Variants in PCK2 observed in about 807,000 individuals in gnomAD.
The protein encoded by PCK2 is phosphoenolpyruvate carboxykinase 2, mitochondrial.
A neutral mutation model predicts 65.9 loss-of-function variants in PCK2; 56 were observed. The ratio of observed to expected loss-of-function variants is 0.85; its 90% CI spans 0.69 to 1.06. The LOEUF (loss-of-function observed/expected upper bound fraction) is 1.06. Among genes scored for constraint, PCK2 ranks in the 50% least tolerant of loss-of-function variants. The probability of loss-of-function intolerance (pLI) is 0.00; values close to 1 mark genes in which losing one functional copy is unlikely to be tolerated. For missense variants in PCK2, 843 were observed against 863.1 expected (o/e 0.98, Z 0.29); for synonymous variants, 305 against 319.6 (o/e 0.95, Z 0.49).
chr14:24,094,651 T>C lies in PCK2; in HGVS notation c.29+217T>C. On this transcript the variant is annotated intron_variant, in intron 1 of 9. Coordinates refer to ENST00000216780, the MANE Select transcript of PCK2 (RefSeq NM_004563.4). The surrounding 1 kb of genome is among the most constrained non-coding windows in gnomAD (Gnocchi z 4.1). ...TCGTTTCCGCCTGCACCTCCCCTTC[T>C]CTGCCTCGCTCGCCTCTGACCGCGC... is the stretch of plus-strand genomic sequence containing the variant. The C allele has an allele frequency of 6.7e-7, 1 of 1,498,874 alleles. No homozygotes were observed. The highest frequency in any genetic ancestry group is 8.9e-7 in the Non-Finnish European group (1 of 1,125,870). The allele number at this position is 1,498,874 out of a possible 1,614,324, so 92.8% of individuals were successfully genotyped here.
chr14:24,102,654 A>C, intron 7 of PCK2, 99 bp from the exon 8 acceptor site: 1 of 951,334 alleles, frequency 1.1e-6, no homozygotes, highest in Non-Finnish European at 1.5e-6. Context: ...GATGAGGCAA[A>C]AAAAAAAAAA....
In PCK2 at chr14:24,094,810, G is replaced by A. The variant is rs762090156; in HGVS notation, c.29+376G>A. On this transcript the variant is annotated intron_variant, in intron 1 of 9. Coordinates refer to ENST00000216780, the MANE Select transcript of PCK2 (RefSeq NM_004563.4). The surrounding 1 kb of genome is among the most constrained non-coding windows in gnomAD (Gnocchi z 4.1). ...AACGGGCTCTCAGCCAGCGCCCCAG[G>A]GTACTTCGAGAGGCAGCAGGGCCCT... 14 of 1,345,216 alleles carry A rather than the reference G, an allele frequency of 1.0e-5. No homozygotes were observed. The Admixed American group carries it at 1.1e-4, about 11-fold the overall frequency. The allele number at this position is 1,345,216 out of a possible 1,614,324, so 83.3% of individuals were successfully genotyped here. A position where few individuals can be genotyped will look rare whatever the true frequency, so the allele number is the denominator to read the frequency against.
Position 24,100,444 on chromosome 14 carries a change from C to T in PCK2, c.1234+231C>T, listed in dbSNP as rs559270954. 18 of 984,752 alleles carry T rather than the reference C, an allele frequency of 1.8e-5. No homozygotes were observed. The East Asian group carries it at 4.1e-4, about 22-fold the overall frequency. The allele number at this position is 984,752 out of a possible 1,614,324, so 61.0% of individuals were successfully genotyped here. On this transcript the variant is annotated intron_variant, in intron 7 of 9. Coordinates refer to ENST00000216780, the MANE Select transcript of PCK2 (RefSeq NM_004563.4). ...CAACTTCCCTAAGCTTTAGTTTCCA[C>T]ATCAGTTGAATGAGGGTAGTTGTGA...
rs769896049 is a variant in PCK2, at chr14:24,098,386, G to A, written c.459G>A (p.Gln153=). Residue 153 remains glutamine (Q), a splice_region_variant and synonymous_variant, in exon 3 of 10, where the codon CAG becomes CAA. Transcript: ENST00000216780. ...ATGAGAGGTTTCCAGGCTGCATGCA[G>A]GGTAACCAGGGCAGGGGCACAGTGG... ...AVDERFPGCM[Q]GRTMYVLPFS... 1.9e-6 allele frequency: 3 copies of A among 1,611,966 alleles called. No homozygotes were observed. The highest frequency in any genetic ancestry group is 2.7e-5 in the African/African-American group (2 of 74,904).
Position 24,099,052 on chromosome 14 carries a change from A to G in PCK2, c.668A>G (p.Glu223Gly). 6.3e-7 allele frequency: 1 copy of G among 1,598,680 alleles called. No individual in the cohort carries two copies. Among genetic ancestry groups the G allele is most frequent in the Non-Finnish European group, 8.6e-7 (1 of 1,168,528 alleles). Reference protein sequence around the residue: ...SVGQPLTGQGEPVSQWPCNPE... With the variant: ...SVGQPLTGQGGPVSQWPCNPE... ...CCCATGACCCCATTGTCCCCAGGGG[A>G]GCCAGTGAGCCAGTGGCCGTGCAAC... is the stretch of plus-strand genomic sequence containing the variant. The change falls in exon 5 of 10, where the codon GAG becomes GGG. Residue 223 changes from glutamate (E) to glycine (G), a missense_variant. Glu to Gly is a moderately conservative substitution (Grantham distance 98). Coordinates refer to ENST00000216780, the MANE Select transcript of PCK2 (RefSeq NM_004563.4).
Position 24,102,742 on chromosome 14 carries a change from T to G in PCK2, c.1235-11T>G. The G allele has an allele frequency of 6.2e-7, 1 of 1,611,434 alleles. No homozygotes were observed. The highest frequency in any genetic ancestry group is 8.5e-7 in the Non-Finnish European group (1 of 1,178,348). On this transcript the variant is annotated splice_polypyrimidine_tract_variant and intron_variant, in intron 7 of 9. Coordinates refer to ENST00000216780, the MANE Select transcript of PCK2 (RefSeq NM_004563.4). ...CCTTGGAAATAATAGTGTTTGTATTTCCTCTGCCAGGTGACAAGGAGCCCT... is the reference window on the plus strand; with the variant it reads ...CCTTGGAAATAATAGTGTTTGTATTGCCTCTGCCAGGTGACAAGGAGCCCT...
chr14:24,099,048 G>C lies in PCK2; in HGVS notation c.665-1G>C. ...CAGCCCCATGACCCCATTGTCCCCAGGGGAGCCAGTGAGCCAGTGGCCGTG... is the reference window on the plus strand; with the variant it reads ...CAGCCCCATGACCCCATTGTCCCCACGGGAGCCAGTGAGCCAGTGGCCGTG... On this transcript the variant is annotated splice_acceptor_variant, in intron 4 of 9. Coordinates refer to ENST00000216780, the MANE Select transcript of PCK2 (RefSeq NM_004563.4). LOFTEE classifies it high-confidence loss of function. 1 of 1,598,606 alleles carries C rather than the reference G, an allele frequency of 6.3e-7. No homozygotes were observed. The highest frequency in any genetic ancestry group is 8.6e-7 in the Non-Finnish European group (1 of 1,168,632).
At chr14:24,097,567 A>G (rs1443944494) in intron 2 of PCK2, among the ~76,000 whole-genome samples, 2 of 138,304 alleles carry the variant, frequency 1.4e-5, no homozygotes, top group African/African-American at 5.2e-5. Flanking sequence ...TCTGTCTCAA[A>G]AAAAAAAAAG....
chr14:24,103,059 C>T (rs1433334856), intron 8 of PCK2, 101 bp from the exon 9 acceptor site: 24 of 1,206,060 alleles, frequency 2.0e-5, no homozygotes, highest in Middle Eastern at 3.8e-4. Flanking sequence ...ATGGGATAGC[C>T]GAGGTCTTAG....
Position 24,098,553 on chromosome 14 carries a change from A to C in PCK2, c.539A>C (p.Asp180Ala), listed in dbSNP as rs758530066. Residue 180 changes from aspartate to alanine, a missense_variant, in exon 4 of 10, where the codon GAC becomes GCC. Asp to Ala is a moderately radical substitution (Grantham distance 126, BLOSUM62 -2). Coordinates refer to ENST00000216780, the MANE Select transcript of PCK2 (RefSeq NM_004563.4). ...PLSRIGVQLT[D>A]SAYVVASMRI... is the part of the protein sequence containing the mutation. ...TCCCGCATCGGGGTGCAGCTCACTG[A>C]CTCAGCCTATGTGGTGGCAAGCATG... 2.5e-6 allele frequency: 4 copies of C among 1,613,972 alleles called. No individual in the cohort carries two copies. Among genetic ancestry groups the C allele is most frequent in the Admixed American group, 3.3e-5 (2 of 60,006 alleles).
Position 24,094,801 on chromosome 14 carries a change from G to A in PCK2, c.29+367G>A. 1 of 1,358,818 alleles carries A rather than the reference G, an allele frequency of 7.4e-7. No individual in the cohort carries two copies. The highest frequency in any genetic ancestry group is 2.2e-5 in the Admixed American group (1 of 45,406). 84.2% of individuals were successfully genotyped at this position (1,358,818 alleles called of 1,614,324 possible). ...CGGACCTCTAACGGGCTCTCAGCCA[G>A]CGCCCCAGGGTACTTCGAGAGGCAG... On this transcript the variant is annotated intron_variant, in intron 1 of 9. Coordinates refer to ENST00000216780, the MANE Select transcript of PCK2 (RefSeq NM_004563.4). The surrounding 1 kb of genome is among the most constrained non-coding windows in gnomAD (Gnocchi z 4.1).
In PCK2 at chr14:24,103,229, AG is replaced by A. The variant is rs763517556; in HGVS notation, c.1443del (p.Glu481AspfsTer36). On this transcript the variant is annotated frameshift_variant, in exon 9 of 10. Transcript: ENST00000216780. LOFTEE classifies it high-confidence loss of function. ...GVFVGSAMRS[E>X]STAAAEHKGK... ...TTTGTGGGCAGCGCCATGCGCTCTG[AG>A]TCCACTGCTGCAGCAGAACACAAAG... 1.9e-6 allele frequency: 3 copies of A among 1,613,808 alleles called. No individual in the cohort carries two copies. Among genetic ancestry groups the A allele is most frequent in the African/African-American group, 2.7e-5 (2 of 74,926 alleles).
Position 24,099,206 on chromosome 14 carries a change from G to A in PCK2, c.822G>A (p.Arg274=). 1.2e-6 allele frequency: 2 copies of A among 1,600,972 alleles called. No homozygotes were observed. The highest frequency in any genetic ancestry group is 1.7e-4 in the Middle Eastern group (1 of 6,036). The change falls in exon 5 of 10, where the codon CGG becomes CGA. Residue 274 remains arginine (R), a synonymous_variant. Transcript: ENST00000216780. ...TACGCATCGCCTCTCGGCTGGCCCGGGATGAGGGCTGGCTGGCAGAGCACA... is the reference window on the plus strand; with the variant it reads ...TACGCATCGCCTCTCGGCTGGCCCGAGATGAGGGCTGGCTGGCAGAGCACA... ...FALRIASRLA[R]DEGWLAEHML...
intron 1 of PCK2, among the ~76,000 whole-genome samples, chr14:24,096,678 C>T (rs77528519): frequency 1.6e-3 from 250 of 152,278 alleles, no homozygotes; most frequent in Non-Finnish European, 2.9e-3. Context: ...ATCTGTCCCT[C>T]GCTGAGCAGG....
chr14:24,102,798 C>T lies in PCK2; in HGVS notation c.1280C>T (p.Pro427Leu), dbSNP rs752400018. 45 of 1,613,564 alleles carry T rather than the reference C, an allele frequency of 2.8e-5. 2 individuals are homozygous for T. In the South Asian group the frequency reaches 2.9e-4, roughly 10 times the overall value. ...CATCCCAACTCTCGATTTTGTGCCC[C>T]GGCTCGCCAGTGCCCCATCATGGAC... is the stretch of plus-strand genomic sequence containing the variant. The part of the protein sequence containing the change: ...CAHPNSRFCA[P>L]ARQCPIMDPA... The change falls in exon 8 of 10, where the codon CCG becomes CTG. Residue 427 changes from proline to leucine, a missense_variant. Coordinates refer to ENST00000216780, the MANE Select transcript of PCK2 (RefSeq NM_004563.4).
At chr14:24,095,428 C>T (rs2036825084) in intron 1 of PCK2, 1 of 352,448 alleles carries the variant, frequency 2.8e-6, no homozygotes, top group Non-Finnish European at 5.7e-6. Context: ...GATCATCTAT[C>T]CTGCTTTAGC....
At position 24,098,592 on chromosome 14, in the gene PCK2, G is replaced by A. The variant is rs757288672; in HGVS notation, c.578G>A (p.Arg193Gln). 79 of 1,614,068 alleles carry A rather than the reference G, an allele frequency of 4.9e-5. No individual in the cohort carries two copies. The highest frequency in any genetic ancestry group is 5.8e-5 in the Non-Finnish European group (69 of 1,180,010). Residue 193 changes from arginine (R) to glutamine (Q), a missense_variant, in exon 4 of 10, where the codon CGA becomes CAA. Transcript: ENST00000216780. ...GTGGCAAGCATGCGTATTATGACCC[G>A]ACTGGGGACACCTGTGCTTCAGGCC... ...YVVASMRIMT[R>Q]LGTPVLQALG...
chr14:24,095,692 A>G (rs537240702), intron 1 of PCK2, among the ~76,000 whole-genome samples: 34 of 152,282 alleles, frequency 2.2e-4, no homozygotes, highest in Admixed American at 7.2e-4. Flanking sequence ...GGAGAGTAAC[A>G]TCCCCTTCAT....
chr14:24,097,186 T>A, intron 2 of PCK2, 49 bp downstream of exon 2: 1 of 1,587,480 alleles, frequency 6.3e-7, no homozygotes, highest in Non-Finnish European at 8.6e-7. Context: ...TGAGGCCACT[T>A]TGGGTTCACC....
Sources: gnomAD v4.1 joint callset for allele counts (sites outside exome capture counted in the v4.1 genomes callset) on GRCh38, gnomAD v4.1.1 for gene constraint, Gnocchi (gnomAD v3.1) non-coding constraint, MANE v1.5 for transcripts, NCBI Gene and HGNC (gene_info 2026-07-23, HGNC 2026-07-21) for gene names.